Variants in TBC1D9B observed in about 807,000 individuals in gnomAD.
The protein encoded by TBC1D9B is TBC1 domain family, member 9B (with GRAM domain).
A neutral mutation model predicts 121.1 loss-of-function variants in TBC1D9B; 87 were observed. The ratio of observed to expected loss-of-function variants is 0.72; its 90% confidence interval spans 0.60 to 0.86. The LOEUF (loss-of-function observed/expected upper bound fraction) is 0.86. TBC1D9B is among the 40% of genes least tolerant of loss of function. The pLI is 0.00. For synonymous variants in TBC1D9B, 668 were observed against 670.1 expected (o/e 1.00, Z 0.05); for missense variants, 1,540 against 1,628.6 (o/e 0.95, Z 0.94).
rs748486833 is a variant in TBC1D9B at position 179,891,522 on chromosome 5, G to A, written c.901C>T (p.Arg301Trp). Residue 301 changes from arginine (R) to tryptophan (W), a missense_variant, in exon 6 of 21, where the codon CGG (arginine) becomes TGG (tryptophan). By Grantham distance (101) the Arg-to-Trp change is moderately radical. Transcript: ENST00000355235. This position sits in a 1 kb window ranked among gnomAD's most constrained non-coding sequence, Gnocchi z 4.3. ...RATFRLPRDE[R>W]LDGHTSCTLW... The stretch of plus-strand genomic sequence containing the variant: ...GTGCAGCTTGTGTGGCCGTCTAGCC[G>A]CTCATCCCTGGGCAGCCGGAACGTG... The A allele has an allele frequency of 1.6e-5, 26 of 1,613,910 alleles. No homozygotes were observed. The highest frequency in any genetic ancestry group is 1.7e-4 in the Middle Eastern group (1 of 5,944).
intron 7 of TBC1D9B, chr5:179,887,855 T>C (rs957697597): frequency 1.8e-6 from 1 of 563,596 alleles, no homozygotes; most frequent in Non-Finnish European, 3.1e-6. Flanking sequence ...CCAGAGAAGG[T>C]TCCTCATGGG....
intron 1 of TBC1D9B, among the ~76,000 whole-genome samples, chr5:179,905,060 G>A (rs999954403): frequency 6.6e-6 from 1 of 152,200 alleles, no homozygotes; most frequent in African/African-American, 2.4e-5. Flanking sequence ...ACACTTGCAG[G>A]CAGAGGCAGA....
At chr5:179,898,922 C>A (rs772635961) in intron 3 of TBC1D9B, among the ~76,000 whole-genome samples, 3 of 152,212 alleles carry the variant, frequency 2.0e-5, no homozygotes, top group Non-Finnish European at 4.4e-5. Flanking sequence ...CGTCTATCTG[C>A]GTACGCCTTC....
At chr5:179,870,054 G>A (rs1018138163) in intron 16 of TBC1D9B, among the ~76,000 whole-genome samples, 45 of 152,184 alleles carry the variant, frequency 3.0e-4, no homozygotes, top group African/African-American at 1.0e-3. Context: ...CAGACTGCAT[G>A]AGGGAGGGGA....
chr5:179,873,635 G>A (rs894584711), intron 12 of TBC1D9B, among the ~76,000 whole-genome samples: 5 of 152,206 alleles, frequency 3.3e-5, no homozygotes, highest in Admixed American at 2.6e-4. Flanking sequence ...AAGATTCAGG[G>A]ATCAAAGGTT....
At chr5:179,867,176 AG>A (rs1760037129) in intron 18 of TBC1D9B, 1 of 409,574 alleles carries the variant, frequency 2.4e-6, no homozygotes, top group African/African-American at 2.0e-5. Flanking sequence ...TCCTACTCAC[AG>A]GAAGACAGAA....
At position 179,862,543 on chromosome 5, in the gene TBC1D9B, C is replaced by G. The variant is rs1252439099; in HGVS notation, c.*905G>C. The G allele has an allele frequency of 4.4e-6, 2 of 456,434 alleles. No individual in the cohort carries two copies. The highest frequency in any genetic ancestry group is 8.8e-6 in the Non-Finnish European group (2 of 226,858). 28.3% of individuals were successfully genotyped at this position (456,434 alleles called of 1,614,324 possible). The stretch of plus-strand genomic sequence containing the variant: ...AGGGCATCCCCTGATGCAGGTTGGT[C>G]AGGACCTGCCCAGCTTGCACCAGCA... On this transcript the variant is annotated 3_prime_UTR_variant, in exon 21 of 21. Transcript: ENST00000355235.
chr5:179,872,737 C>T (rs1260446955), intron 14 of TBC1D9B, 155 bp downstream of exon 14: 2 of 683,872 alleles, frequency 2.9e-6, no homozygotes, highest in South Asian at 1.9e-5. Context: ...CCACCTACAC[C>T]CCTGGATCCC....
intron 10 of TBC1D9B, among the ~76,000 whole-genome samples, chr5:179,877,760 C>T (rs1009309642): frequency 2.6e-5 from 4 of 150,996 alleles, no homozygotes; most frequent in African/African-American, 9.8e-5. Context: ...ATTCATATGA[C>T]ATGGATGACC....
chr5:179,895,015 C>T (rs895155555), intron 3 of TBC1D9B, among the ~76,000 whole-genome samples: 2 of 152,168 alleles, frequency 1.3e-5, no homozygotes, highest in African/African-American at 4.8e-5. Context: ...GTGTACTCCA[C>T]CACACCTGGC....
chr5:179,893,772 G>A (rs983128725), intron 4 of TBC1D9B, among the ~76,000 whole-genome samples: 3 of 152,064 alleles, frequency 2.0e-5, no homozygotes, highest in South Asian at 4.2e-4. Context: ...AAGTGGGAGC[G>A]CACGGAGGTG....
chr5:179,888,273 G>A lies in TBC1D9B; in HGVS notation c.1084C>T (p.Pro362Ser), dbSNP rs769490793. Residue 362 changes from proline (P) to serine (S), a missense_variant, in exon 7 of 21, where the codon CCC becomes TCC. Pro to Ser is a moderately conservative substitution (Grantham distance 74). Transcript: ENST00000355235. ...VEKADSSSVL[P>S]SPLSISTKSK... ...TTGGTGCTGATGGACAGGGGGCTGG[G>A]CAGCACGCTGGAGCTGTCAGCTTTT... 5.0e-6 allele frequency: 8 copies of A among 1,611,130 alleles called. No homozygotes were observed. The highest frequency in any genetic ancestry group is 3.4e-5 in the Admixed American group (2 of 58,782).
chr5:179,886,656 C>T (rs88183), intron 7 of TBC1D9B, among the ~76,000 whole-genome samples: 64,569 of 152,138 alleles, frequency 0.42, 14,697 homozygotes, highest in East Asian at 0.76. Context: ...AGACCACACA[C>T]GGCTCTAGAG....
At chr5:179,866,276 A>C (rs1437030179) in intron 18 of TBC1D9B, 2 of 197,668 alleles carry the variant, frequency 1.0e-5, no homozygotes, top group Non-Finnish European at 2.0e-5. Flanking sequence ...ACTCAGGGGA[A>C]CCCTAATGAC....
Position 179,863,003 on chromosome 5 carries a change from G to A in TBC1D9B, c.*445C>T. The A allele has an allele frequency of 3.9e-6, 1 of 258,834 alleles. No homozygotes were observed. Among genetic ancestry groups the A allele is most frequent in the Non-Finnish European group, 7.8e-6 (1 of 127,952 alleles). 16.0% of individuals were successfully genotyped at this position (258,834 alleles called of 1,614,324 possible). On this transcript the variant is annotated 3_prime_UTR_variant, in exon 21 of 21. Coordinates refer to ENST00000355235, the MANE Select transcript of TBC1D9B (RefSeq NM_015043.4). The surrounding 1 kb of genome is among the most constrained non-coding windows in gnomAD (Gnocchi z 4.5). Reference sequence around the variant, plus strand: ...GTTCCATCACTTTGGTGCCCAACAAGCACATGCCCCCCAACCTGGTGCCAA... The same window carrying A: ...GTTCCATCACTTTGGTGCCCAACAAACACATGCCCCCCAACCTGGTGCCAA...
Position 179,879,652 on chromosome 5 carries a change from G to T in TBC1D9B, c.1392C>A (p.Pro464=). The change falls in exon 8 of 21, where the codon CCC becomes CCA. Residue 464 remains proline, a synonymous_variant. Transcript: ENST00000355235. ...GLLKLFQKNS[P]MEDLGAKGAK... is the part of the protein sequence containing the mutation. ...CCCCCTTGGCTCCAAGGTCCTCCATGGGCGAGTTTTTCTGGAAGAGCTTCA... is the reference window on the plus strand; with the variant it reads ...CCCCCTTGGCTCCAAGGTCCTCCATTGGCGAGTTTTTCTGGAAGAGCTTCA... The T allele has an allele frequency of 6.2e-7, 1 of 1,614,102 alleles. No individual in the cohort carries two copies. Among genetic ancestry groups the T allele is most frequent in the Non-Finnish European group, 8.5e-7 (1 of 1,179,968 alleles).
At chr5:179,870,216 G>A in intron 16 of TBC1D9B, 39 bp downstream of exon 16, 3 of 1,608,864 alleles carry the variant, frequency 1.9e-6, no homozygotes, top group Non-Finnish European at 2.5e-6. Context: ...GAAAGGGTGA[G>A]GGAGGGTCAA....
intron 7 of TBC1D9B, chr5:179,887,647 G>A (rs534733360): frequency 1.7e-4 from 31 of 181,340 alleles, no homozygotes; most frequent in South Asian, 3.4e-4. Context: ...ACTTGCACAC[G>A]GGGAAGTGTG....
intron 2 of TBC1D9B, among the ~76,000 whole-genome samples, chr5:179,901,983 T>C (rs1582107191): frequency 1.3e-5 from 2 of 152,336 alleles, no homozygotes; most frequent in South Asian, 4.1e-4. Context: ...ACAGGTACCA[T>C]TATTTTCATT....
Sources: gnomAD v4.1 joint callset for allele counts (sites outside exome capture counted in the v4.1 genomes callset) on GRCh38, gnomAD v4.1.1 for gene constraint, Gnocchi (gnomAD v3.1) non-coding constraint, MANE v1.5 for transcripts, NCBI Gene and HGNC (gene_info 2026-07-23, HGNC 2026-07-21) for gene names.